Variants in NEGR1 observed in about 807,000 individuals in gnomAD.
The protein encoded by NEGR1 is IgLON family member 4.
NEGR1 carries 10 observed loss-of-function variants against 40.9 expected under a neutral mutation model. The ratio of observed to expected loss-of-function variants is 0.24; its 90% CI spans 0.15 to 0.42. NEGR1 has a LOEUF of 0.42. Ranked by LOEUF, NEGR1 falls within the 10% of genes least tolerant of loss-of-function variation. The pLI is 1.00. For synonymous variants in NEGR1, 185 were observed against 166.8 expected (o/e 1.11, Z -0.84); for missense variants, 352 against 438.9 (o/e 0.80, Z 1.77).
intron 6 of NEGR1, among the ~76,000 whole-genome samples, chr1:71,541,905 T>G (rs905547631): frequency 2.0e-5 from 3 of 151,804 alleles, no homozygotes; most frequent in Non-Finnish European, 4.4e-5. Context: ...AATCAGATTA[T>G]TCTGGACTTA....
intron 2 of NEGR1, among the ~76,000 whole-genome samples, chr1:71,831,659 T>C (rs1351022611): frequency 1.3e-5 from 2 of 152,062 alleles, no homozygotes; most frequent in African/African-American, 4.8e-5. Context: ...TGCTGTGACA[T>C]ACTATTAGTG....
In NEGR1 at chr1:72,081,238, TAC is replaced by T. The variant is rs535250373; in HGVS notation, c.177-145929_177-145928del. Among the ~76,000 whole-genome samples, 30 of 152,176 alleles carry T rather than the reference TAC, an allele frequency of 2.0e-4. No homozygotes were observed. The South Asian group carries it at 6.2e-3, about 32-fold the overall frequency. ...ACATCCTAGAGAAATCAAATAAAAC[TAC>T]AGAGTAAATGGATAGGACATGCCCT... On this transcript the variant is annotated intron_variant, in intron 1 of 6. Coordinates refer to ENST00000357731, the MANE Select transcript of NEGR1 (RefSeq NM_173808.3).
chr1:72,059,626 AAT>A (rs1647147943), intron 1 of NEGR1, among the ~76,000 whole-genome samples: 1 of 151,670 alleles, frequency 6.6e-6, no homozygotes, highest in South Asian at 2.1e-4. Context: ...AAGAGATTTT[AAT>A]AGTTTAATGA....
At chr1:71,833,609 C>A (rs1658914200) in intron 2 of NEGR1, among the ~76,000 whole-genome samples, 1 of 151,964 alleles carries the variant, frequency 6.6e-6, no homozygotes, top group Admixed American at 6.6e-5. Context: ...TAGTGTGATT[C>A]CCTATTCTGT....
intron 1 of NEGR1, among the ~76,000 whole-genome samples, chr1:72,205,396 A>C (rs1354832234): frequency 6.6e-6 from 1 of 151,618 alleles, no homozygotes; most frequent in East Asian, 2.0e-4. Flanking sequence ...TTATCTAGAG[A>C]TTGCCTTGGT....
intron 2 of NEGR1, among the ~76,000 whole-genome samples, chr1:71,851,534 T>A (rs747355721): frequency 3.3e-5 from 5 of 152,200 alleles, no homozygotes; most frequent in Non-Finnish European, 5.9e-5. Context: ...CACAATTTTA[T>A]AAGCTCCAAC....
Position 71,957,707 on chromosome 1 carries a change from C to T in NEGR1, c.177-22396G>A, listed in dbSNP as rs142466122. ...TTTAACATATCTACTACCATTCTAC[C>T]CACTTTTATCAGATTGTCCTGAAAT... On this transcript the variant is annotated intron_variant, in intron 1 of 6. Transcript: ENST00000357731. Among the ~76,000 whole-genome samples, 610 of 152,158 alleles carry T rather than the reference C, an allele frequency of 4.0e-3. 6 individuals are homozygous for T. The highest frequency in any genetic ancestry group is 0.014 in the African/African-American group (564 of 41,542).
At chr1:71,419,714 AT>A (rs1399726361) in intron 6 of NEGR1, among the ~76,000 whole-genome samples, 1 of 152,010 alleles carries the variant, frequency 6.6e-6, no homozygotes, top group Non-Finnish European at 1.5e-5. Context: ...TTTTATTATG[AT>A]TTCAACTATA....
chr1:72,131,265 ATTAAG>A (rs1373028052), intron 1 of NEGR1, among the ~76,000 whole-genome samples: 5 of 152,216 alleles, frequency 3.3e-5, no homozygotes, highest in Admixed American at 6.5e-5. Context: ...TTACATACTT[ATTAAG>A]TTGTGTCAGG....
At chr1:71,781,912 A>C (rs1031048610) in intron 2 of NEGR1, among the ~76,000 whole-genome samples, 4 of 152,144 alleles carry the variant, frequency 2.6e-5, no homozygotes, top group Non-Finnish European at 5.9e-5. Flanking sequence ...CACCTCTCCC[A>C]ACGGTGACTT....
intron 1 of NEGR1, among the ~76,000 whole-genome samples, chr1:71,986,930 T>A (rs1177050563): frequency 1.3e-5 from 2 of 152,192 alleles, no homozygotes; most frequent in African/African-American, 4.8e-5. Context: ...TACAGGTCAG[T>A]ATAATAATCT....
rs932966191 is a variant in NEGR1, at chr1:72,082,722, A to C, written c.177-147411T>G. Among the ~76,000 whole-genome samples the C allele has an allele frequency of 2.0e-4, 30 of 152,194 alleles. No individual in the cohort carries two copies. The East Asian group carries it at 4.8e-3, about 24-fold the overall frequency. On this transcript the variant is annotated intron_variant, in intron 1 of 6. Coordinates refer to ENST00000357731, the MANE Select transcript of NEGR1 (RefSeq NM_173808.3). ...CAAAACAAAACAAAAAACAAAAAAA[A>C]AAAAACTAATGGGTCATCCTGAGGG...
chr1:71,465,161 G>A (rs967189036), intron 6 of NEGR1, among the ~76,000 whole-genome samples: 1 of 151,990 alleles, frequency 6.6e-6, no homozygotes, highest in Non-Finnish European at 1.5e-5. Context: ...TATACAGAAT[G>A]GAAAACAACA....
intron 1 of NEGR1, among the ~76,000 whole-genome samples, chr1:72,097,928 C>A (rs1648772194): frequency 6.6e-6 from 1 of 152,296 alleles, no homozygotes; most frequent in South Asian, 2.1e-4. Flanking sequence ...ACCCCCATAT[C>A]TCTTTCTGTG....
chr1:71,416,380 C>T (rs1006178891), intron 6 of NEGR1, among the ~76,000 whole-genome samples: 1 of 152,084 alleles, frequency 6.6e-6, no homozygotes, highest in Non-Finnish European at 1.5e-5. Flanking sequence ...TCTGCAACAT[C>T]GTTCTTTTGG....
intron 1 of NEGR1, among the ~76,000 whole-genome samples, chr1:71,985,729 G>T (rs1646388911): frequency 1.3e-5 from 2 of 152,106 alleles, no homozygotes; most frequent in Admixed American, 1.3e-4. Context: ...AGAAGTAAAA[G>T]TACTTTATCT....
At chr1:71,650,035 A>G (rs1651659978) in intron 4 of NEGR1, among the ~76,000 whole-genome samples, 1 of 152,194 alleles carries the variant, frequency 6.6e-6, no homozygotes. Context: ...CAAAATAAGT[A>G]ACAAAAATGT....
chr1:71,630,782 T>C (rs964508751), intron 4 of NEGR1, among the ~76,000 whole-genome samples: 1 of 151,922 alleles, frequency 6.6e-6, no homozygotes, highest in African/African-American at 2.4e-5. Context: ...GGTGAAATAA[T>C]GCAAAGATTC....
At chr1:71,458,382 A>G (rs1297843376) in intron 6 of NEGR1, among the ~76,000 whole-genome samples, 1 of 152,242 alleles carries the variant, frequency 6.6e-6, no homozygotes, top group Non-Finnish European at 1.5e-5. Flanking sequence ...GCAAACTCAC[A>G]TCACTTGTAG....
Sources: gnomAD v4.1 joint callset for allele counts (sites outside exome capture counted in the v4.1 genomes callset) on GRCh38, gnomAD v4.1.1 for gene constraint, MANE v1.5 for transcripts, NCBI Gene and HGNC (gene_info 2026-07-23, HGNC 2026-07-21) for gene names.